Variants in ABCA13 observed in about 807,000 individuals in gnomAD.
ABCA13 encodes the protein ATP-binding cassette sub-family A member 13.
In ABCA13, 476 loss-of-function variants were observed where a neutral mutation model predicts 478.7. That is an observed-to-expected ratio of 0.99 (90% CI 0.92 to 1.07). ABCA13 has a LOEUF of 1.07. Ranked by LOEUF, ABCA13 falls within the 50% of genes least tolerant of loss-of-function variation. The pLI is 0.00. For synonymous variants in ABCA13, 2,252 were observed against 2,158.9 expected (o/e 1.04, Z -1.20); for missense variants, 6,060 against 5,910.6 (o/e 1.03, Z -0.83).
At chr7:48,397,299 T>C (rs1816970141) in intron 38 of ABCA13, among the ~76,000 whole-genome samples, 1 of 152,106 alleles carries the variant, frequency 6.6e-6, no homozygotes, top group African/African-American at 2.4e-5. Flanking sequence ...GAGAATTTTG[T>C]AGAGTTGAAA....
chr7:48,391,594 T>G (rs1013434640), intron 37 of ABCA13, among the ~76,000 whole-genome samples: 4 of 152,192 alleles, frequency 2.6e-5, no homozygotes, highest in African/African-American at 9.7e-5. Flanking sequence ...GACTAAGCTG[T>G]GATGTTAGGT....
At chr7:48,534,609 T>C (rs1833447676) in intron 55 of ABCA13, among the ~76,000 whole-genome samples, 1 of 152,308 alleles carries the variant, frequency 6.6e-6, no homozygotes, top group East Asian at 1.9e-4. Context: ...TTTTCCACAC[T>C]TGTAGATTTC....
At chr7:48,355,931 G>A (rs1202757292) in intron 31 of ABCA13, among the ~76,000 whole-genome samples, 2 of 151,834 alleles carry the variant, frequency 1.3e-5, no homozygotes, top group Non-Finnish European at 2.9e-5. Context: ...ATTAATTTAG[G>A]AGTCTCCCCG....
chr7:48,340,128 A>G (rs147256696), intron 29 of ABCA13, among the ~76,000 whole-genome samples: 269 of 152,112 alleles, frequency 1.8e-3, no homozygotes, highest in Non-Finnish European at 3.3e-3. Context: ...TTTTTTAGAC[A>G]AGAGTTTTGC....
intron 35 of ABCA13, among the ~76,000 whole-genome samples, chr7:48,386,708 TC>T (rs1815248186): frequency 6.6e-6 from 1 of 152,192 alleles, no homozygotes; most frequent in Non-Finnish European, 1.5e-5. Context: ...CTGAACCCCT[TC>T]CTTATTGCCA....
chr7:48,591,715 A>G (rs186914518), intron 57 of ABCA13, among the ~76,000 whole-genome samples: 47 of 152,060 alleles, frequency 3.1e-4, no homozygotes, highest in Admixed American at 2.9e-3. Flanking sequence ...TAAGTATTTT[A>G]TTCATTTTGA....
chr7:48,171,968 T>C (rs181485808), intron 1 of ABCA13, among the ~76,000 whole-genome samples: 1 of 151,844 alleles, frequency 6.6e-6, no homozygotes, highest in Non-Finnish European at 1.5e-5. Flanking sequence ...GACTGCACAG[T>C]GTGCCTCACC....
At chr7:48,477,331 G>A (rs544901757) in intron 45 of ABCA13, among the ~76,000 whole-genome samples, 1 of 152,238 alleles carries the variant, frequency 6.6e-6, no homozygotes, top group East Asian at 1.9e-4. Flanking sequence ...AGTCAGTATG[G>A]CGATTCCTCA....
At chr7:48,368,509 C>T (rs966151297) in intron 32 of ABCA13, among the ~76,000 whole-genome samples, 3 of 151,716 alleles carry the variant, frequency 2.0e-5, no homozygotes, top group African/African-American at 7.3e-5. Flanking sequence ...ATTCTTATAC[C>T]TTTGTGTCTC....
intron 55 of ABCA13, among the ~76,000 whole-genome samples, chr7:48,528,674 G>A (rs544154273): frequency 2.0e-5 from 3 of 152,164 alleles, no homozygotes; most frequent in African/African-American, 7.2e-5. Context: ...CCAAGGGGTG[G>A]TTCTTCTTTA....
Position 48,372,447 on chromosome 7 carries a change from G to T in ABCA13, c.11083G>T (p.Val3695Phe). The T allele has an allele frequency of 6.2e-7, 1 of 1,604,220 alleles. No individual in the cohort carries two copies. The highest frequency in any genetic ancestry group is 8.5e-7 in the Non-Finnish European group (1 of 1,175,028). Reference sequence around the variant, plus strand: ...CATGATCAGCTTTCTGCCCTACATAGTTCTATTGGTTCTACATAACCAATT... The same window carrying T: ...CATGATCAGCTTTCTGCCCTACATATTTCTATTGGTTCTACATAACCAATT... ...VYMISFLPYI[V>F]LLVLHNQLSF... The change falls in exon 33 of 62, where the codon GTT (valine) becomes TTT (phenylalanine). Residue 3695 changes from valine (V) to phenylalanine (F), a missense_variant. Transcript: ENST00000435803.
At position 48,275,096 on chromosome 7, in the gene ABCA13, T is replaced by C. The variant is rs1302206970; in HGVS notation, c.5430T>C (p.Asp1810=). 2 of 1,613,420 alleles carry C rather than the reference T, an allele frequency of 1.2e-6. No homozygotes were observed. Among genetic ancestry groups the C allele is most frequent in the Non-Finnish European group, 8.5e-7 (1 of 1,179,604 alleles). ...TTGAATTAGTATCAGATAAGCCAGA[T>C]ATTATTTCAGAGGCTTTAGCTTGTT... ...DTIELVSDKP[D]IISEALACFP... Residue 1810 remains aspartate (D), a synonymous_variant, in exon 17 of 62, where the codon GAT becomes GAC. Transcript: ENST00000435803.
chr7:48,298,439 G>T lies in ABCA13; in HGVS notation c.9273G>T (p.Ser3091=), dbSNP rs1235583726. Residue 3091 remains serine (S), a synonymous_variant, in exon 23 of 62, where the codon TCG becomes TCT. Transcript: ENST00000435803. ...AGCTTCGCTCTTCCATCCAAATCTC[G>T]AATGAGACTATCCATAGCATTCTAG... ...TEELRSSIQI[S]NETIHSILEA... 1 of 1,613,544 alleles carries T rather than the reference G, an allele frequency of 6.2e-7. No individual in the cohort carries two copies. Among genetic ancestry groups the T allele is most frequent in the Non-Finnish European group, 8.5e-7 (1 of 1,179,672 alleles).
At position 48,204,301 on chromosome 7, in the gene ABCA13, C is replaced by T. The variant is rs1211917270; in HGVS notation, c.287+5941C>T. Among the ~76,000 whole-genome samples, 5 of 152,038 alleles carry T rather than the reference C, an allele frequency of 3.3e-5. No individual in the cohort carries two copies. In the East Asian group the frequency reaches 9.7e-4, roughly 29 times the overall value. ...CTCGGCTCACTGCAACCTCCGCCTC[C>T]CGGGTTCAAGCGATTCTCCTGCCTC... On this transcript the variant is annotated intron_variant, in intron 3 of 61. Transcript: ENST00000435803.
intron 5 of ABCA13, among the ~76,000 whole-genome samples, chr7:48,226,597 G>C (rs1333999552): frequency 6.6e-6 from 1 of 152,200 alleles, no homozygotes; most frequent in Non-Finnish European, 1.5e-5. Flanking sequence ...ACCAGCAACT[G>C]TGGAGCTTGG....
intron 3 of ABCA13, among the ~76,000 whole-genome samples, chr7:48,199,349 C>T (rs1360773195): frequency 6.6e-6 from 1 of 152,098 alleles, no homozygotes; most frequent in Non-Finnish European, 1.5e-5. Flanking sequence ...CTGGGAAGTC[C>T]AAGATCAAGG....
At chr7:48,188,299 A>G (rs1487028163) in intron 1 of ABCA13, among the ~76,000 whole-genome samples, 1 of 152,168 alleles carries the variant, frequency 6.6e-6, no homozygotes, top group African/African-American at 2.4e-5. Context: ...ACATTTCTCT[A>G]TGTAGTCCTG....
At chr7:48,325,327 A>G (rs1456579728) in intron 27 of ABCA13, among the ~76,000 whole-genome samples, 1 of 152,124 alleles carries the variant, frequency 6.6e-6, no homozygotes, top group Non-Finnish European at 1.5e-5. Flanking sequence ...CCCTGTGGCT[A>G]TTGTGCAGAA....
Position 48,643,304 on chromosome 7 carries a change from ACAGT to A in ABCA13, c.14857_14860del (p.Val4953LysfsTer18), listed in dbSNP as rs759930315. 3 of 1,610,528 alleles carry A rather than the reference ACAGT, an allele frequency of 1.9e-6. No individual in the cohort carries two copies. The Admixed American group carries it at 5.0e-5, about 27-fold the overall frequency. On this transcript the variant is annotated frameshift_variant, in exon 60 of 62. Coordinates refer to ENST00000435803, the MANE Select transcript of ABCA13 (RefSeq NM_152701.5). LOFTEE classifies it high-confidence loss of function. ...AACTCTCAGGTTTGGTGATGGTTAT[ACAGT>A]CAAAGTTTGGCTCTGTAAGGAAGCA...
Sources: gnomAD v4.1 joint callset for allele counts (sites outside exome capture counted in the v4.1 genomes callset) on GRCh38, gnomAD v4.1.1 for gene constraint, MANE v1.5 for transcripts, NCBI Gene and HGNC (gene_info 2026-07-23, HGNC 2026-07-21) for gene names.